Variants in ASDURF observed in about 807,000 individuals in gnomAD.
ASDURF encodes ASDURF protein.
In ASDURF, 3 loss-of-function variants were observed where a neutral mutation model predicts 3.3. The ratio of observed to expected loss-of-function variants is 0.92; its 90% CI spans 0.42 to 2.37. The LOEUF is 2.37. Ranked by LOEUF, ASDURF falls within the 30% of genes most tolerant of loss-of-function variation. The pLI, the probability that ASDURF is intolerant of heterozygous loss-of-function variation, is 0.05. For missense variants in ASDURF, 23 were observed against 25.4 expected (o/e 0.90, Z 0.21); for synonymous variants, 11 against 8.3 (o/e 1.32, Z -0.55).
rs2105682974 is a variant in ASDURF at position 189,663,942 on chromosome 2, TAAG to T, written c.138_140del (p.Lys46del). 7.7e-6 allele frequency: 3 copies of T among 388,268 alleles called. No homozygotes were observed. The highest frequency in any genetic ancestry group is 1.4e-5 in the Non-Finnish European group (3 of 218,598). 24.1% of individuals were successfully genotyped at this position (388,268 alleles called of 1,614,324 possible). On this transcript the variant is annotated inframe_deletion, in exon 2 of 4. Transcript: ENST00000607829. ...TTGTGGTGGATGAACTTTCTAACCT[TAAG>T]AAGAATAGGGTGAGTTATTATAGGA...
chr2:189,663,346 C>T (rs924617514), intron 1 of ASDURF, among the ~76,000 whole-genome samples: 4 of 151,964 alleles, frequency 2.6e-5, no homozygotes, highest in Non-Finnish European at 5.9e-5. Context: ...CTCCGCCTCC[C>T]GGGTTCAAGC....
At position 189,666,259 on chromosome 2, in the gene ASDURF, G is replaced by A; in HGVS notation, c.*148G>A. The stretch of plus-strand genomic sequence containing the variant: ...TAGTAAACAATTGTTAAAGTCTGAT[G>A]TTAACTACCAGTGTTTATTTTCTGC... On this transcript the variant is annotated 3_prime_UTR_variant, in exon 4 of 4. Coordinates refer to ENST00000607829, the MANE Select transcript of ASDURF (RefSeq NM_001353493.2). 2 of 1,614,142 alleles carry A rather than the reference G, an allele frequency of 1.2e-6. No individual in the cohort carries two copies. The highest frequency in any genetic ancestry group is 1.7e-6 in the Non-Finnish European group (2 of 1,180,008).
At chr2:189,664,618 G>C (rs548743510) in intron 2 of ASDURF, among the ~76,000 whole-genome samples, 1 of 152,140 alleles carries the variant, frequency 6.6e-6, no homozygotes. Context: ...TTAGCCAGGC[G>C]TGTGCCTGTA....
chr2:189,664,063 G>A, intron 2 of ASDURF, 109 bp downstream of exon 2: 1 of 337,354 alleles, frequency 3.0e-6, no homozygotes, highest in Non-Finnish European at 5.3e-6. Flanking sequence ...TTAATAAAAT[G>A]TATAGTATTT....
intron 3 of ASDURF, among the ~76,000 whole-genome samples, 178 bp downstream of exon 3, chr2:189,665,629 TA>T (rs2032781391): frequency 1.6e-5 from 2 of 127,568 alleles, no homozygotes; most frequent in Non-Finnish European, 1.6e-5. Context: ...TATATATATA[TA>T]TATATATATA....
At chr2:189,664,958 T>C (rs1380171973) in intron 2 of ASDURF, among the ~76,000 whole-genome samples, 1 of 152,206 alleles carries the variant, frequency 6.6e-6, no homozygotes, top group African/African-American at 2.4e-5. Context: ...AAAGAGATGG[T>C]AACACCTTAA....
At chr2:189,665,554 C>G in intron 3 of ASDURF, 103 bp downstream of exon 3, 1 of 297,582 alleles carries the variant, frequency 3.4e-6, no homozygotes. Flanking sequence ...TGATTTTCTT[C>G]AAATTAGGCT....
intron 2 of ASDURF, 65 bp from the exon 3 acceptor site, chr2:189,665,311 T>A (rs2032760041): frequency 2.6e-6 from 1 of 386,620 alleles, no homozygotes; most frequent in Non-Finnish European, 4.6e-6. Context: ...GATAATAGGG[T>A]TTAAGGATTT....
At chr2:189,663,992 G>T (rs752673155) in intron 2 of ASDURF, 38 bp downstream of exon 2, 3 of 379,970 alleles carry the variant, frequency 7.9e-6, no homozygotes, top group Admixed American at 9.1e-5. Context: ...TATGTGGGAG[G>T]TTTATTTATG....
intron 1 of ASDURF, among the ~76,000 whole-genome samples, chr2:189,663,512 C>T (rs1688288060): frequency 6.6e-6 from 1 of 152,138 alleles, no homozygotes; most frequent in Non-Finnish European, 1.5e-5. Flanking sequence ...CTTGGCCTCC[C>T]GAAGTGCTGG....
At chr2:189,664,121 T>C (rs1031815828) in intron 2 of ASDURF, among the ~76,000 whole-genome samples, 167 bp downstream of exon 2, 2 of 152,198 alleles carry the variant, frequency 1.3e-5, no homozygotes, top group African/African-American at 2.4e-5. Flanking sequence ...TTTAAATGGA[T>C]AGATCTCATA....
chr2:189,666,230 A>T lies in ASDURF; in HGVS notation c.*119A>T, dbSNP rs755759127. On this transcript the variant is annotated 3_prime_UTR_variant, in exon 4 of 4. Transcript: ENST00000607829. ...TATAATCTTAAACAGCGGGGACCCA[A>T]TAGTAGTAAACAATTGTTAAAGTCT... 12 of 1,614,132 alleles carry T rather than the reference A, an allele frequency of 7.4e-6. No individual in the cohort carries two copies. Among genetic ancestry groups the T allele is most frequent in the Non-Finnish European group, 1.0e-5 (12 of 1,179,996 alleles).
Position 189,666,069 on chromosome 2 carries a change from C to A in ASDURF, c.249C>A (p.Tyr83Ter). ...KNILDELKKEYQEIENLDKTK... is the reference protein window; with the variant it reads ...KNILDELKKE ...TATTGGATGAACTGAAAAAAGAATACCAAGAAATAGAAAACTTAGACAAGA... is the reference window on the plus strand; with the variant it reads ...TATTGGATGAACTGAAAAAAGAATAACAAGAAATAGAAAACTTAGACAAGA... The change falls in exon 4 of 4, where the codon TAC becomes TAA. Residue 83 changes from tyrosine (Y) to a stop codon, truncating the protein, a stop_gained. Coordinates refer to ENST00000607829, the MANE Select transcript of ASDURF (RefSeq NM_001353493.2). LOFTEE classifies it high-confidence loss of function. The A allele has an allele frequency of 6.9e-7, 1 of 1,452,456 alleles. No homozygotes were observed. Among genetic ancestry groups the A allele is most frequent in the Non-Finnish European group, 9.2e-7 (1 of 1,092,156 alleles). 90.0% of individuals were successfully genotyped at this position (1,452,456 alleles called of 1,614,324 possible).
chr2:189,661,590 AAGGAG>A lies in ASDURF; in HGVS notation c.71_75del (p.Lys24ArgfsTer7), dbSNP rs2032665557. ...CCCCACCGACAATTCGACCCCACAC[AAGGAG>A]GATCTAAGCAGCAAGGTGAGTGTGA... On this transcript the variant is annotated frameshift_variant, in exon 1 of 4. Coordinates refer to ENST00000607829, the MANE Select transcript of ASDURF (RefSeq NM_001353493.2). LOFTEE classifies it high-confidence loss of function. 1 of 399,080 alleles carries A rather than the reference AAGGAG, an allele frequency of 2.5e-6. No homozygotes were observed. Among genetic ancestry groups the A allele is most frequent in the Non-Finnish European group, 4.4e-6 (1 of 226,252 alleles). The allele number at this position is 399,080 out of a possible 1,614,324, so 24.7% of individuals were successfully genotyped here. A position where few individuals can be genotyped will look rare whatever the true frequency, so the allele number is the denominator to read the frequency against.
At chr2:189,664,885 A>G (rs2032749917) in intron 2 of ASDURF, among the ~76,000 whole-genome samples, 1 of 152,228 alleles carries the variant, frequency 6.6e-6, no homozygotes, top group African/African-American at 2.4e-5. Context: ...TTAGGAGAGA[A>G]TCATGGTAGT....
Position 189,663,921 on chromosome 2 carries a change from G to A in ASDURF, c.111G>A (p.Val37=), listed in dbSNP as rs536886938. 5.2e-6 allele frequency: 2 copies of A among 388,142 alleles called. No homozygotes were observed. Among genetic ancestry groups the A allele is most frequent in the Non-Finnish European group, 9.1e-6 (2 of 218,660 alleles). 24.0% of individuals were successfully genotyped at this position (388,142 alleles called of 1,614,324 possible). The change falls in exon 2 of 4, where the codon GTG becomes GTA. Residue 37 remains valine (V), a synonymous_variant. Coordinates refer to ENST00000607829, the MANE Select transcript of ASDURF (RefSeq NM_001353493.2). ...LSSKIKEQKI[V]VDELSNLKKN... ...AATAGATTAAAGAACAAAAAATTGT[G>A]GTGGATGAACTTTCTAACCTTAAGA...
rs1343934031 is a variant in ASDURF at position 189,661,568 on chromosome 2, C to G, written c.48C>G (p.Pro16=). 1.5e-5 allele frequency: 6 copies of G among 399,168 alleles called. No individual in the cohort carries two copies. The highest frequency in any genetic ancestry group is 8.8e-5 in the Admixed American group (2 of 22,718). The allele number at this position is 399,168 out of a possible 1,614,324, so 24.7% of individuals were successfully genotyped here. ...TRPEDSSVLI[P]TDNSTPHKED... Reference sequence around the variant, plus strand: ...CAGAGGACAGCTCTGTGCTGATCCCCACCGACAATTCGACCCCACACAAGG... The same window carrying G: ...CAGAGGACAGCTCTGTGCTGATCCCGACCGACAATTCGACCCCACACAAGG... The change falls in exon 1 of 4, where the codon CCC becomes CCG. Residue 16 remains proline, a synonymous_variant. Coordinates refer to ENST00000607829, the MANE Select transcript of ASDURF (RefSeq NM_001353493.2).
Position 189,666,340 on chromosome 2 carries a change from G to A in ASDURF, c.*229G>A, listed in dbSNP as rs753541123. 9.3e-6 allele frequency: 15 copies of A among 1,613,806 alleles called. No homozygotes were observed. Among genetic ancestry groups the A allele is most frequent in the Middle Eastern group, 1.6e-4 (1 of 6,084 alleles). ...TACCCAGCCTGTGGAAGATGAAAGAGGCAATGTGTTTCTATGGAATGGAGA... is the reference window on the plus strand; with the variant it reads ...TACCCAGCCTGTGGAAGATGAAAGAAGCAATGTGTTTCTATGGAATGGAGA... On this transcript the variant is annotated 3_prime_UTR_variant, in exon 4 of 4. Coordinates refer to ENST00000607829, the MANE Select transcript of ASDURF (RefSeq NM_001353493.2).
chr2:189,665,600 A>ATGTG (rs1326091568), intron 3 of ASDURF, 149 bp downstream of exon 3: 6 of 4,884 alleles, frequency 1.2e-3, no homozygotes, highest in Admixed American at 3.8e-3. Flanking sequence ...ATATATGTGT[A>ATGTG]TATATATATA....
Sources: gnomAD v4.1 joint callset for allele counts (sites outside exome capture counted in the v4.1 genomes callset) on GRCh38, gnomAD v4.1.1 for gene constraint, MANE v1.5 for transcripts, NCBI Gene and HGNC (gene_info 2026-07-23, HGNC 2026-07-21) for gene names.